STAG1: variants seen among roughly 807,000 people sequenced by gnomAD.
STAG1 encodes cohesin subunit SA-1.
Under a neutral mutation model 170.9 loss-of-function variants are expected in STAG1, and 26 were observed. That is an observed-to-expected ratio of 0.15 (90% confidence interval 0.11 to 0.21). The LOEUF (loss-of-function observed/expected upper bound fraction) is 0.21. STAG1 is among the 10% of genes least tolerant of loss of function. The pLI, the probability that STAG1 is intolerant of heterozygous loss-of-function variation, is 1.00. For missense variants in STAG1, 964 were observed against 1,509.5 expected (o/e 0.64, Z 5.99); for synonymous variants, 514 against 497.7 (o/e 1.03, Z -0.44).
chr3:136,433,999 G>A (rs1205970571), intron 15 of STAG1, among the ~76,000 whole-genome samples: 2 of 151,772 alleles, frequency 1.3e-5, no homozygotes, highest in Non-Finnish European at 2.9e-5. Context: ...AGACTATGCC[G>A]TATGTTTTTA....
chr3:136,640,406 TCGC>T lies in STAG1; in HGVS notation c.-83-9428_-83-9426del, dbSNP rs1940746796. 2.0e-5 allele frequency among the ~76,000 whole-genome samples: 3 copies of T among 151,458 alleles called. No homozygotes were observed. The South Asian group carries it at 6.3e-4, about 32-fold the overall frequency. ...TTTTTTGAGACGGAGTCTCGCTCTG[TCGC>T]CCAGGCTGGAGTGCAATGGCACGAT... On this transcript the variant is annotated intron_variant, in intron 1 of 33. Transcript: ENST00000383202.
intron 5 of STAG1, among the ~76,000 whole-genome samples, chr3:136,547,463 G>A (rs1936203070): frequency 6.6e-6 from 1 of 152,084 alleles, no homozygotes; most frequent in Non-Finnish European, 1.5e-5. Flanking sequence ...ACTGAAACTT[G>A]ATACACATTA....
chr3:136,379,369 A>C (rs924400559), intron 22 of STAG1, among the ~76,000 whole-genome samples: 4 of 152,186 alleles, frequency 2.6e-5, no homozygotes, highest in African/African-American at 9.7e-5. Context: ...GAGAAAAATA[A>C]TCTAGCTACA....
intron 1 of STAG1, among the ~76,000 whole-genome samples, chr3:136,678,542 AT>A (rs1288044617): frequency 1.3e-5 from 2 of 151,654 alleles, no homozygotes; most frequent in African/African-American, 4.8e-5. Context: ...AAAAAAAAAA[AT>A]CTTATAGGAA....
intron 28 of STAG1, 133 bp downstream of exon 28, chr3:136,357,587 A>T: frequency 1.5e-6 from 1 of 656,022 alleles, no homozygotes; most frequent in Non-Finnish European, 2.4e-6. Context: ...GAAAACTATA[A>T]TTCCTTAAAA....
At chr3:136,396,703 T>C (rs1198340845) in intron 22 of STAG1, among the ~76,000 whole-genome samples, 1 of 150,710 alleles carries the variant, frequency 6.6e-6, no homozygotes, top group African/African-American at 2.4e-5. Context: ...AATTTTTGTA[T>C]TTTTAGTAGA....
intron 5 of STAG1, among the ~76,000 whole-genome samples, chr3:136,561,524 G>GT (rs1450186297): frequency 6.6e-6 from 1 of 152,156 alleles, no homozygotes; most frequent in Non-Finnish European, 1.5e-5. Flanking sequence ...CTAACTGGCT[G>GT]TAGGATAGTA....
At chr3:136,664,034 C>T (rs931902633) in intron 1 of STAG1, among the ~76,000 whole-genome samples, 6 of 152,090 alleles carry the variant, frequency 3.9e-5, no homozygotes, top group Admixed American at 3.9e-4. Context: ...ATGACTTAGC[C>T]AACTAGGCCT....
intron 4 of STAG1, among the ~76,000 whole-genome samples, chr3:136,595,285 T>C (rs569493160): frequency 1.3e-5 from 2 of 152,264 alleles, no homozygotes; most frequent in Admixed American, 1.3e-4. Flanking sequence ...AATACCTATA[T>C]TCACACAAAC....
chr3:136,460,673 A>T (rs1297977081), intron 13 of STAG1, among the ~76,000 whole-genome samples: 1 of 151,796 alleles, frequency 6.6e-6, no homozygotes, highest in Non-Finnish European at 1.5e-5. Context: ...CTGAAGCACT[A>T]ATAAAGTCTC....
At chr3:136,373,947 A>T (rs1361176541) in intron 23 of STAG1, among the ~76,000 whole-genome samples, 3 of 152,156 alleles carry the variant, frequency 2.0e-5, no homozygotes, top group Non-Finnish European at 1.5e-5. Flanking sequence ...GGGGTGTTAA[A>T]GTCTCCCATT....
intron 6 of STAG1, among the ~76,000 whole-genome samples, chr3:136,531,014 A>G (rs1186187122): frequency 1.3e-5 from 2 of 152,186 alleles, no homozygotes; most frequent in Non-Finnish European, 2.9e-5. Flanking sequence ...CAGAGGCAGG[A>G]GAATCACCTG....
At chr3:136,739,717 G>C (rs1280397876) in intron 1 of STAG1, among the ~76,000 whole-genome samples, 1 of 151,698 alleles carries the variant, frequency 6.6e-6, no homozygotes, top group Non-Finnish European at 1.5e-5. Flanking sequence ...CCAGCTACTC[G>C]AGAGGCTGAG....
At chr3:136,426,499 T>G (rs1042038426) in intron 16 of STAG1, among the ~76,000 whole-genome samples, 9 of 152,342 alleles carry the variant, frequency 5.9e-5, no homozygotes, top group African/African-American at 2.2e-4. Flanking sequence ...CTCATCATGA[T>G]GTATAAAATA....
At chr3:136,498,358 G>A (rs144787327) in intron 9 of STAG1, among the ~76,000 whole-genome samples, 73 of 146,160 alleles carry the variant, frequency 5.0e-4, no homozygotes, top group Non-Finnish European at 9.3e-4. Context: ...AAAAAACTCT[G>A]ACTTTGTTCA....
chr3:136,373,499 T>G (rs1937460115), intron 23 of STAG1, among the ~76,000 whole-genome samples: 1 of 152,174 alleles, frequency 6.6e-6, no homozygotes, highest in Non-Finnish European at 1.5e-5. Flanking sequence ...GCTATAAATT[T>G]CCCTCTACAC....
intron 2 of STAG1, among the ~76,000 whole-genome samples, chr3:136,626,424 C>CAAA (rs755048196): frequency 1.3e-5 from 1 of 77,414 alleles, no homozygotes; most frequent in East Asian, 3.9e-4. Flanking sequence ...GACTACATCT[C>CAAA]AAAAAAAAAA....
chr3:136,734,771 T>A (rs1934241992), intron 1 of STAG1, among the ~76,000 whole-genome samples: 1 of 152,234 alleles, frequency 6.6e-6, no homozygotes, highest in Non-Finnish European at 1.5e-5. Context: ...AGAACCTACA[T>A]ATTTATCAAT....
At chr3:136,683,854 T>C (rs1307362697) in intron 1 of STAG1, among the ~76,000 whole-genome samples, 1 of 152,172 alleles carries the variant, frequency 6.6e-6, no homozygotes, top group Non-Finnish European at 1.5e-5. Context: ...GCAAAGTTAA[T>C]ATACAAAAGC....
Sources: gnomAD v4.1 joint callset for allele counts (sites outside exome capture counted in the v4.1 genomes callset) on GRCh38, gnomAD v4.1.1 for gene constraint, MANE v1.5 for transcripts, NCBI Gene and HGNC (gene_info 2026-07-23, HGNC 2026-07-21) for gene names.